TECPR2: variants seen among roughly 807,000 people sequenced by gnomAD.
The protein encoded by TECPR2 is tectonin beta-propeller repeat-containing protein 2.
TECPR2 carries 65 observed loss-of-function variants against 138.1 expected under a neutral mutation model. The observed-to-expected ratio is 0.47, with a 90% CI of 0.39 to 0.58. TECPR2 has a LOEUF of 0.58. Among genes scored for constraint, TECPR2 ranks in the 20% least tolerant of loss-of-function variants. TECPR2 has a pLI of 0.00. For missense variants in TECPR2, 1,553 were observed against 1,824.5 expected (o/e 0.85, Z 2.71); for synonymous variants, 746 against 749.8 (o/e 0.99, Z 0.08).
chr14:102,401,518 G>A (rs189271808), intron 2 of TECPR2, among the ~76,000 whole-genome samples: 170 of 151,136 alleles, frequency 1.1e-3, no homozygotes, highest in African/African-American at 3.9e-3. Flanking sequence ...AGTGGCTCAA[G>A]CCTGTAATCC....
In TECPR2 at chr14:102,500,430, C is replaced by T. The variant is rs1891412201; in HGVS notation, c.*2173C>T. Reference sequence around the variant, plus strand: ...GCTGTGGGGTGAGGTCCAGGGCTGCCTCCTCATGGAGCTGTGTGTGAGCAG... The same window carrying T: ...GCTGTGGGGTGAGGTCCAGGGCTGCTTCCTCATGGAGCTGTGTGTGAGCAG... On this transcript the variant is annotated 3_prime_UTR_variant, in exon 20 of 20. Transcript: ENST00000359520. The T allele has an allele frequency of 6.6e-6, 1 of 152,308 alleles. No individual in the cohort carries two copies. The highest frequency in any genetic ancestry group is 2.1e-4 in the South Asian group (1 of 4,836). 9.4% of individuals were successfully genotyped at this position (152,308 alleles called of 1,614,324 possible). A position where few individuals can be genotyped will look rare whatever the true frequency, so the allele number is the denominator to read the frequency against.
rs1383650164 is a variant in TECPR2 at position 102,435,225 on chromosome 14, G to A, written c.2394+14G>A. On this transcript the variant is annotated intron_variant, in intron 9 of 19. Coordinates refer to ENST00000359520, the MANE Select transcript of TECPR2 (RefSeq NM_014844.5). ...AAGCCAGATCAGGTATGTGGGTTCG[G>A]GTGGTGGGAAAAGTAGCTGAGGCTT... The A allele has an allele frequency of 1.9e-6, 3 of 1,576,194 alleles. No homozygotes were observed. The highest frequency in any genetic ancestry group is 2.6e-6 in the Non-Finnish European group (3 of 1,159,512).
At chr14:102,445,528 T>C (rs1047875474) in intron 12 of TECPR2, among the ~76,000 whole-genome samples, 2 of 152,156 alleles carry the variant, frequency 1.3e-5, no homozygotes, top group African/African-American at 4.8e-5. Context: ...TTGTGCCTAC[T>C]CGCTTTTTTC....
At chr14:102,384,996 A>G (rs971635919) in intron 2 of TECPR2, among the ~76,000 whole-genome samples, 1 of 151,262 alleles carries the variant, frequency 6.6e-6, no homozygotes, top group African/African-American at 2.4e-5. Context: ...GGCCAGGACT[A>G]CAGGTGTGCG....
At chr14:102,433,680 C>G (rs911713036) in intron 8 of TECPR2, among the ~76,000 whole-genome samples, 3 of 151,904 alleles carry the variant, frequency 2.0e-5, no homozygotes, top group African/African-American at 7.3e-5. Flanking sequence ...ACTACCACGC[C>G]CAGCTAAGTT....
At chr14:102,432,213 A>G (rs1362420736) in intron 8 of TECPR2, 85 bp downstream of exon 8, 3 of 1,258,940 alleles carry the variant, frequency 2.4e-6, no homozygotes, top group Non-Finnish European at 3.2e-6. Flanking sequence ...TGAGTGAGCA[A>G]TGCTCCATAC....
At chr14:102,476,040 C>T (rs1416106311) in intron 17 of TECPR2, among the ~76,000 whole-genome samples, 1 of 151,886 alleles carries the variant, frequency 6.6e-6, no homozygotes, top group Non-Finnish European at 1.5e-5. Context: ...AACCTCATCT[C>T]TACTAAAAAT....
At chr14:102,474,708 T>A in intron 17 of TECPR2, among the ~76,000 whole-genome samples, 1 of 152,166 alleles carries the variant, frequency 6.6e-6, no homozygotes, top group Non-Finnish European at 1.5e-5. Context: ...AACTTTTTCA[T>A]GATCAGGGAG....
intron 2 of TECPR2, among the ~76,000 whole-genome samples, chr14:102,389,847 C>T (rs1888118819): frequency 1.3e-5 from 2 of 152,162 alleles, no homozygotes; most frequent in South Asian, 4.1e-4. Context: ...ATATTCCCTA[C>T]TTTGTTTTGT....
In TECPR2 at chr14:102,499,182, G is replaced by C. The variant is rs1291180937; in HGVS notation, c.*925G>C. The C allele has an allele frequency of 1.4e-6, 1 of 702,890 alleles. No homozygotes were observed. Among genetic ancestry groups the C allele is most frequent in the South Asian group, 1.5e-5 (1 of 67,590 alleles). The allele number at this position is 702,890 out of a possible 1,614,324, so 43.5% of individuals were successfully genotyped here. A position where few individuals can be genotyped will look rare whatever the true frequency, so the allele number is the denominator to read the frequency against. The stretch of plus-strand genomic sequence containing the variant: ...TGTGTCCCAGGTAGGGACGGCACAG[G>C]AGGGTGCATGGGGCGTGGGGGAGCT... On this transcript the variant is annotated 3_prime_UTR_variant, in exon 20 of 20. Transcript: ENST00000359520.
intron 16 of TECPR2, among the ~76,000 whole-genome samples, chr14:102,457,571 A>G (rs1890305527): frequency 6.6e-6 from 1 of 152,010 alleles, no homozygotes; most frequent in Non-Finnish European, 1.5e-5. Context: ...CTTATCTGGA[A>G]TTAATTGGGG....
rs1257153695 is a variant in TECPR2 at position 102,498,843 on chromosome 14, A to G, written c.*586A>G. The G allele has an allele frequency of 1.6e-6, 1 of 621,514 alleles. No homozygotes were observed. Among genetic ancestry groups the G allele is most frequent in the Non-Finnish European group, 3.0e-6 (1 of 331,238 alleles). 38.5% of individuals were successfully genotyped at this position (621,514 alleles called of 1,614,324 possible). A position where few individuals can be genotyped will look rare whatever the true frequency, so the allele number is the denominator to read the frequency against. ...AGAGCGCTGGCCATGCCAGGAGAGA[A>G]CCCACGCACATGCACACCACAACAC... On this transcript the variant is annotated 3_prime_UTR_variant, in exon 20 of 20. Transcript: ENST00000359520.
chr14:102,437,490 G>T (rs539469777), intron 9 of TECPR2, among the ~76,000 whole-genome samples: 17 of 152,200 alleles, frequency 1.1e-4, no homozygotes, highest in African/African-American at 3.9e-4. Flanking sequence ...GGAGGCGGAG[G>T]TTGCAGTGAG....
intron 14 of TECPR2, 88 bp from the exon 15 acceptor site, chr14:102,450,464 GGGTTTGAA>G (rs746181719): frequency 2.6e-6 from 3 of 1,149,944 alleles, no homozygotes; most frequent in Non-Finnish European, 3.8e-6. Context: ...TCTGGAGAAA[GGGTTTGAA>G]GGCCAGCTGT....
At chr14:102,457,376 C>T (rs1004590894) in intron 16 of TECPR2, among the ~76,000 whole-genome samples, 3 of 152,050 alleles carry the variant, frequency 2.0e-5, no homozygotes, top group South Asian at 4.2e-4. Flanking sequence ...TGAGCCACTG[C>T]GCCTGACCCA....
In TECPR2 at chr14:102,434,473, GTCAGGA is replaced by G; in HGVS notation, c.1660_1665del (p.Gly554_Ser555del). ...CCGAAACGTTTAATGTCCTGGAGGT[GTCAGGA>G]TCAATGCCTGATTCTCTGGCTGAGG... is the stretch of plus-strand genomic sequence containing the variant. On this transcript the variant is annotated inframe_deletion, in exon 9 of 20. Transcript: ENST00000359520. 1.3e-6 allele frequency: 2 copies of G among 1,556,450 alleles called. No homozygotes were observed. The highest frequency in any genetic ancestry group is 1.7e-6 in the Non-Finnish European group (2 of 1,152,888).
At chr14:102,410,204 A>G (rs1339187758) in intron 4 of TECPR2, among the ~76,000 whole-genome samples, 1 of 152,248 alleles carries the variant, frequency 6.6e-6, no homozygotes, top group East Asian at 1.9e-4. Flanking sequence ...TCTATTTTCA[A>G]AACAGGTGAG....
At chr14:102,392,581 C>T (rs1021990410) in intron 2 of TECPR2, among the ~76,000 whole-genome samples, 2 of 151,866 alleles carry the variant, frequency 1.3e-5, no homozygotes, top group African/African-American at 2.4e-5. Context: ...AATCATTTTT[C>T]TTTTATGTTC....
At chr14:102,448,981 G>A (rs889655287) in intron 13 of TECPR2, among the ~76,000 whole-genome samples, 1 of 152,214 alleles carries the variant, frequency 6.6e-6, no homozygotes, top group African/African-American at 2.4e-5. Flanking sequence ...CAAAATTAAA[G>A]CTGGGCATAG....
Sources: allele counts gnomAD v4.1 joint callset (sites outside exome capture counted in the v4.1 genomes callset), GRCh38; gene constraint gnomAD v4.1.1; transcripts MANE v1.5; gene names NCBI Gene and HGNC (gene_info 2026-07-23, HGNC 2026-07-21).